UTP4: variants seen among roughly 807,000 people sequenced by gnomAD.
UTP4 encodes the protein UTP4 small subunit processome component.
In UTP4, 45 loss-of-function variants were observed where a neutral mutation model predicts 82.4. The observed-to-expected ratio is 0.55, with a 90% CI of 0.43 to 0.70. The LOEUF (loss-of-function observed/expected upper bound fraction) is 0.70, where lower values mean the gene tolerates loss of function less well. Ranked by LOEUF, UTP4 falls within the 30% of genes least tolerant of loss-of-function variation. The probability of loss-of-function intolerance (pLI) is 0.00; values close to 1 mark genes in which losing one functional copy is unlikely to be tolerated. For missense variants in UTP4, 819 were observed against 858.3 expected (o/e 0.95, Z 0.57); for synonymous variants, 348 against 300.3 (o/e 1.16, Z -1.64).
chr16:69,143,335 T>C lies in UTP4; in HGVS notation c.684T>C (p.Leu228=), dbSNP rs1394608131. ...TCTGGGACTCAGCCACTGGGACGCT[T>C]GTGAAGAGCCATCTCATCGCTAATG... is the stretch of plus-strand genomic sequence containing the variant. The part of the protein sequence containing the change: ...VQFWDSATGT[L]VKSHLIANAD... Residue 228 remains leucine (L), a synonymous_variant, in exon 6 of 17, where the codon CTT becomes CTC. Coordinates refer to ENST00000314423, the MANE Select transcript of UTP4 (RefSeq NM_032830.3). The C allele has an allele frequency of 6.2e-7, 1 of 1,614,046 alleles. No individual in the cohort carries two copies. Among genetic ancestry groups the C allele is most frequent in the East Asian group, 2.2e-5 (1 of 44,896 alleles).
intron 6 of UTP4, among the ~76,000 whole-genome samples, chr16:69,145,040 A>G (rs1310403908): frequency 1.3e-5 from 2 of 151,764 alleles, no homozygotes; most frequent in Non-Finnish European, 2.9e-5. Context: ...TACTTGGGAG[A>G]CTGAGGCAGG....
At chr16:69,168,280 C>T (rs1345836360) in intron 16 of UTP4, among the ~76,000 whole-genome samples, 2 of 151,652 alleles carry the variant, frequency 1.3e-5, no homozygotes, top group Non-Finnish European at 2.9e-5. Context: ...ACTAAAAATA[C>T]AAAAAATTAG....
At chr16:69,141,763 T>G (rs1274291949) in intron 5 of UTP4, among the ~76,000 whole-genome samples, 1 of 151,720 alleles carries the variant, frequency 6.6e-6, no homozygotes, top group Non-Finnish European at 1.5e-5. Context: ...TTTTTTTTCG[T>G]GAATCTTCTT....
intron 15 of UTP4, chr16:69,165,793 C>T (rs971985927): frequency 1.8e-5 from 10 of 568,854 alleles, no homozygotes; most frequent in African/African-American, 7.5e-5. Context: ...GTCTACTTTG[C>T]GAGTAAGCAC....
chr16:69,150,506 C>T (rs748324203), intron 6 of UTP4, 31 bp from the exon 7 acceptor site: 10 of 1,613,482 alleles, frequency 6.2e-6, no homozygotes, highest in Admixed American at 3.3e-5. Flanking sequence ...GTTTTGCTTA[C>T]GTGTACCTCC....
chr16:69,164,684 CTTTG>C (rs1305029814), intron 14 of UTP4, among the ~76,000 whole-genome samples: 2 of 148,798 alleles, frequency 1.3e-5, no homozygotes, highest in African/African-American at 2.5e-5. Flanking sequence ...ACAGAGACAG[CTTTG>C]TTTGTAGTAG....
Position 69,163,164 on chromosome 16 carries a change from C to A in UTP4, c.1633C>A (p.His545Asn), listed in dbSNP as rs1963608077. 6.2e-7 allele frequency: 1 copy of A among 1,613,042 alleles called. No individual in the cohort carries two copies. Among genetic ancestry groups the A allele is most frequent in the African/African-American group, 1.3e-5 (1 of 75,032 alleles). Residue 545 changes from histidine (H) to asparagine (N), a missense_variant, in exon 14 of 17, where the codon CAT (histidine) becomes AAT (asparagine). By Grantham distance (68) the His-to-Asn change is moderately conservative (BLOSUM62 1). Transcript: ENST00000314423. ...CAATACCAACAACCTTGTCATCGCT[C>A]ATTCGGACCAGCAGGTAAGGGAGAT... ...APNTNNLVIA[H>N]SDQQVFEYSI...
At chr16:69,133,376 C>T (rs1362053438) in intron 1 of UTP4, 82 bp from the exon 2 acceptor site, 1 of 1,365,300 alleles carries the variant, frequency 7.3e-7, no homozygotes, top group South Asian at 1.2e-5. Flanking sequence ...CCAGCCAGAA[C>T]AGTGATATTA....
intron 15 of UTP4, 69 bp downstream of exon 15, chr16:69,165,595 T>A (rs745720946): frequency 7.7e-7 from 1 of 1,302,716 alleles, no homozygotes; most frequent in Admixed American, 1.8e-5. Flanking sequence ...ACAAGTACAA[T>A]AAGGTAAGAG....
chr16:69,134,180 C>T (rs866677788), intron 2 of UTP4, among the ~76,000 whole-genome samples: 8 of 152,128 alleles, frequency 5.3e-5, no homozygotes, highest in African/African-American at 1.7e-4. Context: ...TCCAAGGGCA[C>T]TGACTAGTGA....
Position 69,154,378 on chromosome 16 carries a change from A to G in UTP4, c.1100-15A>G, listed in dbSNP as rs1372723626. The G allele has an allele frequency of 2.5e-6, 4 of 1,593,234 alleles. No homozygotes were observed. The highest frequency in any genetic ancestry group is 3.4e-6 in the Non-Finnish European group (4 of 1,161,432). ...TCTTTCATAAGAAAAATCTCAGGGA[A>G]GTTTCTTGTTTCAGGCAAGAATGGG... On this transcript the variant is annotated splice_polypyrimidine_tract_variant and intron_variant, in intron 9 of 16. Transcript: ENST00000314423.
intron 12 of UTP4, among the ~76,000 whole-genome samples, chr16:69,159,084 G>C (rs921855447): frequency 5.9e-5 from 9 of 151,598 alleles, no homozygotes; most frequent in African/African-American, 2.2e-4. Context: ...ATTTATTTTT[G>C]AGATAGAATT....
chr16:69,138,392 C>T (rs757984552), intron 4 of UTP4, among the ~76,000 whole-genome samples: 2 of 152,090 alleles, frequency 1.3e-5, no homozygotes, highest in African/African-American at 2.4e-5. Flanking sequence ...CACGTGCCAT[C>T]GTGCCCTGCT....
chr16:69,147,264 G>A (rs926172857), intron 6 of UTP4, among the ~76,000 whole-genome samples: 15 of 151,524 alleles, frequency 9.9e-5, no homozygotes, highest in Admixed American at 9.9e-4. Flanking sequence ...ACCACTTTGG[G>A]AGGCCGATGC....
intron 16 of UTP4, 66 bp downstream of exon 16, chr16:69,167,251 C>A: frequency 9.4e-7 from 1 of 1,061,252 alleles, no homozygotes; most frequent in Non-Finnish European, 1.5e-6. Flanking sequence ...GTAATAAACT[C>A]CACAATCGGA....
At chr16:69,157,412 C>CGATGAGATCTGCAAATTACTTCTA (rs1389257208) in intron 12 of UTP4, among the ~76,000 whole-genome samples, 172 bp downstream of exon 12, 2 of 152,138 alleles carry the variant, frequency 1.3e-5, no homozygotes, top group African/African-American at 4.8e-5. Context: ...TGAAGACTCT[C>CGATGAGATCTGCAAATTACTTCTA]GATGAGATCT....
At position 69,143,466 on chromosome 16, in the gene UTP4, C is replaced by A. The variant is rs774666285; in HGVS notation, c.738+77C>A. On this transcript the variant is annotated intron_variant, in intron 6 of 16. Coordinates refer to ENST00000314423, the MANE Select transcript of UTP4 (RefSeq NM_032830.3). ...TTGAGAAAGCAGCCTTAGTGACGTGCCATGAACACTGGTTCCTGATCCTGA... is the reference window on the plus strand; with the variant it reads ...TTGAGAAAGCAGCCTTAGTGACGTGACATGAACACTGGTTCCTGATCCTGA... The A allele has an allele frequency of 4.7e-5, 59 of 1,259,676 alleles. No homozygotes were observed. The South Asian group carries it at 4.7e-4, about 10-fold the overall frequency. 78.0% of individuals were successfully genotyped at this position (1,259,676 alleles called of 1,614,324 possible).
intron 4 of UTP4, among the ~76,000 whole-genome samples, chr16:69,139,510 G>A (rs1001543133): frequency 6.6e-6 from 1 of 151,572 alleles, no homozygotes; most frequent in Non-Finnish European, 1.5e-5. Context: ...ATGGTGGCAG[G>A]TGCCTGTAAT....
chr16:69,167,216 G>A, intron 16 of UTP4, 31 bp downstream of exon 16: 1 of 1,437,476 alleles, frequency 7.0e-7, no homozygotes, highest in Non-Finnish European at 9.8e-7. Flanking sequence ...ATTCTGGATA[G>A]TTGGTTCCTT....
Sources: gnomAD v4.1 joint callset for allele counts (sites outside exome capture counted in the v4.1 genomes callset) on GRCh38, gnomAD v4.1.1 for gene constraint, MANE v1.5 for transcripts, NCBI Gene and HGNC (gene_info 2026-07-23, HGNC 2026-07-21) for gene names.